Variants in NECTIN1 observed in about 807,000 individuals in gnomAD.
The protein encoded by NECTIN1 is nectin cell adhesion molecule 1.
NECTIN1 carries 23 observed loss-of-function variants against 48.0 expected under a neutral mutation model. That is an observed-to-expected ratio of 0.48 (90% CI 0.34 to 0.68). The LOEUF (loss-of-function observed/expected upper bound fraction) is 0.68. Among genes scored for constraint, NECTIN1 ranks in the 30% least tolerant of loss-of-function variants. The pLI is 0.01. For synonymous variants in NECTIN1, 270 were observed against 288.9 expected, an observed-to-expected ratio of 0.93 and a Z score of 0.66; for missense variants, 591 against 709.9, an observed-to-expected ratio of 0.83 and a Z score of 1.90.
At chr11:119,726,762 G>A (rs540999147) in intron 1 of NECTIN1, among the ~76,000 whole-genome samples, 3 of 152,246 alleles carry the variant, frequency 2.0e-5, no homozygotes, top group South Asian at 2.1e-4. Flanking sequence ...CCAGGATTAC[G>A]TTAACCCCTA....
intron 5 of NECTIN1, among the ~76,000 whole-genome samples, chr11:119,645,565 G>A (rs184043892): frequency 4.4e-4 from 67 of 152,272 alleles, no homozygotes; most frequent in East Asian, 9.7e-4. Flanking sequence ...CTCCTGTAGC[G>A]TCAGCATCCA....
intron 1 of NECTIN1, among the ~76,000 whole-genome samples, chr11:119,718,182 C>T (rs890225514): frequency 1.8e-4 from 27 of 152,180 alleles, no homozygotes; most frequent in African/African-American, 5.8e-4. Flanking sequence ...CTCGAGAGGA[C>T]AATCTGCACA....
At chr11:119,660,032 CCTTCTGCACGCCTA>C (rs760489571), downstream of NECTIN1, among the ~76,000 whole-genome samples, 11 of 152,204 alleles carry the variant, frequency 7.2e-5, no homozygotes, top group Non-Finnish European at 1.6e-4. Flanking sequence ...GCTGGCTTCT[CCTTCTGCACGCCTA>C]CTTCTGCCCG....
At chr11:119,656,319 T>A (rs1864572891), downstream of NECTIN1, 1 of 152,242 alleles carries the variant, frequency 6.6e-6, no homozygotes. Flanking sequence ...CAGTGCTTGC[T>A]TCGGCAGCAC....
intron 5 of NECTIN1, among the ~76,000 whole-genome samples, chr11:119,654,490 A>T (rs1438557490): frequency 6.6e-6 from 1 of 151,954 alleles, no homozygotes; most frequent in Non-Finnish European, 1.5e-5. Context: ...GACCAGTTCC[A>T]GGGATCAGTA....
chr11:119,665,373 G>A lies in NECTIN1; in HGVS notation c.1004-76C>T, dbSNP rs940168305. On this transcript the variant is annotated intron_variant, in intron 5 of 5. Transcript: ENST00000264025. The surrounding 1 kb of genome is among the most constrained non-coding windows in gnomAD (Gnocchi z 5.1). ...GTGTAGAGGGGGTGGGAGGGAGGCA[G>A]GGAAAGGAGAGGCCAGGAAGGACAG... The A allele has an allele frequency of 6.7e-7, 1 of 1,495,992 alleles. No individual in the cohort carries two copies. Among genetic ancestry groups the A allele is most frequent in the Non-Finnish European group, 8.9e-7 (1 of 1,126,830 alleles). 92.7% of individuals were successfully genotyped at this position (1,495,992 alleles called of 1,614,324 possible). A position where few individuals can be genotyped will look rare whatever the true frequency, so the allele number is the denominator to read the frequency against.
At chr11:119,707,081 C>T (rs533404715) in intron 1 of NECTIN1, among the ~76,000 whole-genome samples, 5 of 152,300 alleles carry the variant, frequency 3.3e-5, no homozygotes, top group Admixed American at 3.3e-4. Context: ...CCCACTACTG[C>T]CCCTGCTGGC....
In NECTIN1 at chr11:119,711,846, G is replaced by C. The variant is rs1220397495; in HGVS notation, c.79+16629C>G. Among the ~76,000 whole-genome samples, 6 of 152,198 alleles carry C rather than the reference G, an allele frequency of 3.9e-5. No individual in the cohort carries two copies. The East Asian group carries it at 9.6e-4, about 24-fold the overall frequency. ...CCTAGACCAGTGTTTTCTCAACTGG[G>C]GTGCTCTTGTCCTCCAGGGAATATT... On this transcript the variant is annotated intron_variant, in intron 1 of 5. Coordinates refer to ENST00000264025, the MANE Select transcript of NECTIN1 (RefSeq NM_002855.5).
At position 119,672,156 on chromosome 11, in the gene NECTIN1, G is replaced by A. The variant is rs950148298; in HGVS notation, c.1003+3003C>T. 6.6e-5 allele frequency among the ~76,000 whole-genome samples: 10 copies of A among 152,252 alleles called. No homozygotes were observed. Among genetic ancestry groups the A allele is most frequent in the African/African-American group, 2.4e-4 (10 of 41,462 alleles). ...AGCCCGGGCTTCACTGGAAATGTGA[G>A]TTGGGACAGACGCCCTGCACCCTGG... On this transcript the variant is annotated intron_variant, in intron 5 of 5. Transcript: ENST00000264025. The surrounding 1 kb of genome is among the most constrained non-coding windows in gnomAD (Gnocchi z 4.3).
chr11:119,706,405 C>A (rs1017944592), intron 1 of NECTIN1, among the ~76,000 whole-genome samples: 5 of 152,146 alleles, frequency 3.3e-5, no homozygotes, highest in Admixed American at 3.3e-4. Context: ...TGGGCCCACC[C>A]CAACTCACCC....
intron 1 of NECTIN1, among the ~76,000 whole-genome samples, chr11:119,687,094 A>T (rs1175026392): frequency 6.6e-6 from 1 of 152,030 alleles, no homozygotes; most frequent in Admixed American, 6.6e-5. Context: ...TCAGGGTCCG[A>T]ATCTTCTCCT....
chr11:119,676,856 G>T, intron 4 of NECTIN1: 2 of 564,756 alleles, frequency 3.5e-6, no homozygotes, highest in Non-Finnish European at 6.4e-6. Flanking sequence ...GAGGGAAGCA[G>T]ATCACAAAGG....
chr11:119,639,637 G>A, intron 6 of NECTIN1: 3 of 596,654 alleles, frequency 5.0e-6, no homozygotes, highest in Non-Finnish European at 8.9e-6. Context: ...AGGATAAAAT[G>A]CATCTTTATG....
intron 1 of NECTIN1, among the ~76,000 whole-genome samples, chr11:119,697,214 G>A (rs1295430102): frequency 6.6e-6 from 1 of 152,138 alleles, no homozygotes; most frequent in Non-Finnish European, 1.5e-5. Context: ...GAGAGAGGGG[G>A]GTAGGGAAAT....
At chr11:119,682,585 T>A (rs553919066) in intron 1 of NECTIN1, among the ~76,000 whole-genome samples, 1 of 152,266 alleles carries the variant, frequency 6.6e-6, no homozygotes, top group South Asian at 2.1e-4. Flanking sequence ...TGACTTCACC[T>A]CTCTGTAGCT....
intron 1 of NECTIN1, among the ~76,000 whole-genome samples, chr11:119,680,822 T>G (rs1865047569): frequency 6.6e-6 from 1 of 152,220 alleles, no homozygotes. Flanking sequence ...TGCCAGCCTG[T>G]GGGGTGCTTC....
Position 119,675,287 on chromosome 11 carries a change from C to A in NECTIN1, c.875G>T (p.Gly292Val), listed in dbSNP as rs372910894. The change falls in exon 5 of 6, where the codon GGT (glycine) becomes GTT (valine). Residue 292 changes from glycine to valine, a missense_variant. Gly to Val is a moderately radical substitution (Grantham distance 109). Coordinates refer to ENST00000264025, the MANE Select transcript of NECTIN1 (RefSeq NM_002855.5). Reference protein sequence around the residue: ...WTTLNGSLPKGVEAQNRTLFF... With the variant: ...WTTLNGSLPKVVEAQNRTLFF... ...GAGGGTTCTGTTCTGGGCCTCCACA[C>A]CCTTGGGGAGAGAGCCATTTAGCCT... is the stretch of plus-strand genomic sequence containing the variant. 1 of 1,613,962 alleles carries A rather than the reference C, an allele frequency of 6.2e-7. No individual in the cohort carries two copies. Among genetic ancestry groups the A allele is most frequent in the Non-Finnish European group, 8.5e-7 (1 of 1,180,028 alleles).
intron 1 of NECTIN1, chr11:119,713,677 T>C (rs929908023): frequency 2.8e-6 from 1 of 360,514 alleles, no homozygotes; most frequent in South Asian, 2.0e-5. Context: ...ACCGCAGTGA[T>C]TGAAACTTAT....
intron 5 of NECTIN1, among the ~76,000 whole-genome samples, chr11:119,647,048 T>C (rs986520743): frequency 6.6e-6 from 1 of 152,184 alleles, no homozygotes; most frequent in African/African-American, 2.4e-5. Context: ...GCCTTTCTCG[T>C]GCTGGCTCTC....
Sources: gnomAD v4.1 joint callset for allele counts (sites outside exome capture counted in the v4.1 genomes callset) on GRCh38, gnomAD v4.1.1 for gene constraint, Gnocchi (gnomAD v3.1) non-coding constraint, MANE v1.5 for transcripts, NCBI Gene and HGNC (gene_info 2026-07-23, HGNC 2026-07-21) for gene names.